The following CDH4 variants were observed in gnomAD, a reference collection of about 807,000 sequenced individuals.
The protein encoded by CDH4 is cadherin-4.
A neutral mutation model predicts 86.0 loss-of-function variants in CDH4; 33 were observed. The ratio of observed to expected loss-of-function variants is 0.38; its 90% CI spans 0.29 to 0.51. The LOEUF is 0.51. Among genes scored for constraint, CDH4 ranks in the 20% least tolerant of loss-of-function variants. The probability of loss-of-function intolerance (pLI) is 0.86; values close to 1 mark genes in which losing one functional copy is unlikely to be tolerated. For missense variants in CDH4, 1,114 were observed against 1,307.4 expected, an observed-to-expected ratio of 0.85 and a Z score of 2.28; for synonymous variants, 555 against 549.4, an observed-to-expected ratio of 1.01 and a Z score of -0.14.
chr20:61,904,107 C>T (rs1034316559), intron 8 of CDH4, among the ~76,000 whole-genome samples: 6 of 152,224 alleles, frequency 3.9e-5, no homozygotes, highest in African/African-American at 1.4e-4. Flanking sequence ...AGCAGCCAGT[C>T]CTGAGAGTAT....
chr20:61,739,048 A>C (rs2088301478), intron 2 of CDH4: 5 of 152,322 alleles, frequency 3.3e-5, no homozygotes, highest in Admixed American at 3.3e-4. Context: ...ATCGAGGGAA[A>C]AGTTTTCTGG....
intron 8 of CDH4, among the ~76,000 whole-genome samples, chr20:61,901,500 G>A (rs1189011356): frequency 6.6e-6 from 1 of 152,278 alleles, no homozygotes; most frequent in Non-Finnish European, 1.5e-5. Context: ...CCCCGTCGGG[G>A]GGCGCAGCAG....
rs1044171773 is a variant in CDH4, at chr20:61,495,430, G to A, written c.169+240493G>A. ...AGCCCCCCGCTTATCCTGAGAGGTC[G>A]CCCAAGGCTTCCTTGGTGGTAGCAG... On this transcript the variant is annotated intron_variant, in intron 2 of 15. Transcript: ENST00000614565. 7.9e-5 allele frequency among the ~76,000 whole-genome samples: 12 copies of A among 152,110 alleles called. No homozygotes were observed. The East Asian group carries it at 1.6e-3, about 20-fold the overall frequency.
chr20:61,702,951 C>T (rs2087792040), intron 2 of CDH4, among the ~76,000 whole-genome samples: 1 of 152,208 alleles, frequency 6.6e-6, no homozygotes, highest in Non-Finnish European at 1.5e-5. Context: ...GTGTGCTCAG[C>T]TGGCAGAGGC....
chr20:61,308,301 C>T (rs1216756663), intron 2 of CDH4, among the ~76,000 whole-genome samples: 1 of 152,192 alleles, frequency 6.6e-6, no homozygotes, highest in Non-Finnish European at 1.5e-5. Context: ...TGTGAGTGCA[C>T]ATACTTAACC....
At chr20:61,307,112 C>G (rs1335784622) in intron 2 of CDH4, among the ~76,000 whole-genome samples, 1 of 93,804 alleles carries the variant, frequency 1.1e-5, no homozygotes, top group Non-Finnish European at 2.8e-5. Flanking sequence ...GAGATAGCAG[C>G]TGCTGCCTTA....
chr20:61,362,545 C>A (rs905146213), intron 2 of CDH4, among the ~76,000 whole-genome samples: 2 of 150,138 alleles, frequency 1.3e-5, no homozygotes, highest in Non-Finnish European at 1.5e-5. Flanking sequence ...TAGGGGAGAG[C>A]GGAGACATGG....
rs1202092488 is a variant in CDH4, at chr20:61,494,668, C to T, written c.169+239731C>T. Among the ~76,000 whole-genome samples the T allele has an allele frequency of 2.0e-5, 3 of 152,236 alleles. No homozygotes were observed. In the East Asian group the frequency reaches 5.8e-4, roughly 29 times the overall value. On this transcript the variant is annotated intron_variant, in intron 2 of 15. Transcript: ENST00000614565. ...AATTATTCTCTAATAGATTTTATTA[C>T]ATAGCAGTTAAGAATTTCTCTAAGA...
intron 4 of CDH4, among the ~76,000 whole-genome samples, chr20:61,783,926 C>T (rs1387910751): frequency 7.1e-5 from 1 of 14,060 alleles, no homozygotes; most frequent in African/African-American, 4.5e-4. Flanking sequence ...CTCCGATATC[C>T]TGTGCCCCCA....
chr20:61,873,450 T>G (rs1983888948), intron 6 of CDH4, among the ~76,000 whole-genome samples: 1 of 152,194 alleles, frequency 6.6e-6, no homozygotes, highest in South Asian at 2.1e-4. Context: ...TTCTTCCTCC[T>G]CCGAGGCCTG....
At chr20:61,536,453 AGGGGAGGGAGTGGGGCAGGGAGGGAG>A (rs1238505419) in intron 2 of CDH4, among the ~76,000 whole-genome samples, 4 of 138,762 alleles carry the variant, frequency 2.9e-5, no homozygotes, top group Non-Finnish European at 6.3e-5. Context: ...GGAAAGAGGA[AGGGGAGGGAGTGGGGCAGGGAGGGAG>A]GGGGAGGGAG....
chr20:61,872,620 G>A (rs779838703), intron 6 of CDH4, among the ~76,000 whole-genome samples: 40 of 152,288 alleles, frequency 2.6e-4, no homozygotes, highest in Middle Eastern at 3.4e-3. Flanking sequence ...GTGCATGAAC[G>A]CTGCAGGGCC....
At chr20:61,786,362 C>T (rs539639920) in intron 4 of CDH4, among the ~76,000 whole-genome samples, 1 of 152,202 alleles carries the variant, frequency 6.6e-6, no homozygotes, top group African/African-American at 2.4e-5. Flanking sequence ...GTCTGCGAGT[C>T]GCCCGGCAGC....
At chr20:61,621,513 G>T (rs1296761195) in intron 2 of CDH4, among the ~76,000 whole-genome samples, 1 of 152,198 alleles carries the variant, frequency 6.6e-6, no homozygotes, top group Non-Finnish European at 1.5e-5. Flanking sequence ...GTCAATCAGA[G>T]TAACAAAGTT....
At chr20:61,914,058 C>T (rs889778608) in intron 9 of CDH4, among the ~76,000 whole-genome samples, 3 of 152,198 alleles carry the variant, frequency 2.0e-5, no homozygotes, top group Non-Finnish European at 2.9e-5. Flanking sequence ...CTGCGAGCCA[C>T]GTTCGTAGCT....
At position 61,929,464 on chromosome 20, in the gene CDH4, A is replaced by C. The variant is rs1371866099; in HGVS notation, c.2006-145A>C. ...CCAATGTCTTTTAACTTAATGATGT[A>C]GCACAGGTGTATGTATGTATGTGTG... On this transcript the variant is annotated intron_variant, in intron 12 of 15. Coordinates refer to ENST00000614565, the MANE Select transcript of CDH4 (RefSeq NM_001794.5). The C allele has an allele frequency of 4.7e-6, 3 of 636,812 alleles. No homozygotes were observed. The African/African-American group carries it at 5.5e-5, about 12-fold the overall frequency. 39.4% of individuals were successfully genotyped at this position (636,812 alleles called of 1,614,324 possible). A position where few individuals can be genotyped will look rare whatever the true frequency, so the allele number is the denominator to read the frequency against.
intron 2 of CDH4, among the ~76,000 whole-genome samples, chr20:61,695,623 C>G (rs2087707330): frequency 6.6e-6 from 1 of 152,160 alleles, no homozygotes; most frequent in East Asian, 1.9e-4. Context: ...CTGGGGACAA[C>G]AGGAGAGAGC....
chr20:61,340,337 C>T (rs1386630499), intron 2 of CDH4, among the ~76,000 whole-genome samples: 1 of 152,214 alleles, frequency 6.6e-6, no homozygotes, highest in Non-Finnish European at 1.5e-5. Context: ...GAGCCTCTGA[C>T]AGGGAGCCAG....
chr20:61,749,068 A>C (rs2088454762), intron 3 of CDH4, among the ~76,000 whole-genome samples: 1 of 152,226 alleles, frequency 6.6e-6, no homozygotes, highest in Admixed American at 6.5e-5. Context: ...ACCAATCAAA[A>C]GGAAGCTAGT....
Sources: gnomAD v4.1 joint callset for allele counts (sites outside exome capture counted in the v4.1 genomes callset) on GRCh38, gnomAD v4.1.1 for gene constraint, MANE v1.5 for transcripts, NCBI Gene and HGNC (gene_info 2026-07-23, HGNC 2026-07-21) for gene names.